Variants in CSMD3 observed in about 807,000 individuals in gnomAD.
CSMD3 encodes the protein CUB and sushi domain-containing protein 3.
In CSMD3, 177 loss-of-function variants were observed where a neutral mutation model predicts 435.2. That is an observed-to-expected ratio of 0.41 (90% CI 0.36 to 0.46). The LOEUF (loss-of-function observed/expected upper bound fraction) is 0.46, where lower values mean the gene tolerates loss of function less well. CSMD3 is among the 20% of genes least tolerant of loss of function. The pLI is 0.34. For missense variants in CSMD3, 4,265 were observed against 4,504.6 expected (o/e 0.95, Z 1.52); for synonymous variants, 1,656 against 1,520.5 (o/e 1.09, Z -2.07).
Position 112,318,945 on chromosome 8 carries a change from T to C in CSMD3, c.7252A>G (p.Ile2418Val). 6.3e-7 allele frequency: 1 copy of C among 1,585,404 alleles called. No homozygotes were observed. Among genetic ancestry groups the C allele is most frequent in the African/African-American group, 1.3e-5 (1 of 74,428 alleles). ...TEDDEFEIGD[I>V]IRYQCLPGFT... is the part of the protein sequence containing the mutation. ...CCTGGAAGACACTGATACCTAATAA[T>C]ATCACCTATTAAACAAAAGAGGGGA... The change falls in exon 47 of 71, where the codon ATT (isoleucine) becomes GTT (valine). Residue 2418 changes from isoleucine (I) to valine (V), a missense_variant. Around this residue, in one of 3 missense-constraint regions of CSMD3, gnomAD observed 3,255 missense variants for 3,380.2 expected, o/e 0.96. Coordinates refer to ENST00000297405, the MANE Select transcript of CSMD3 (RefSeq NM_198123.2).
At chr8:113,261,662 G>A (rs2093428635) in intron 3 of CSMD3, among the ~76,000 whole-genome samples, 1 of 152,044 alleles carries the variant, frequency 6.6e-6, no homozygotes, top group South Asian at 2.1e-4. Flanking sequence ...CCCCAGTTAA[G>A]GGTGCCATTT....
intron 5 of CSMD3, among the ~76,000 whole-genome samples, chr8:113,087,771 G>A (rs2089850429): frequency 6.6e-6 from 1 of 152,048 alleles, no homozygotes; most frequent in South Asian, 2.1e-4. Context: ...GAAAACCTAG[G>A]CAATACCATT....
At chr8:112,771,618 C>CTAATGAGTGCTACTCTTTCTCTATACG (rs2078117025) in intron 13 of CSMD3, among the ~76,000 whole-genome samples, 2 of 151,908 alleles carry the variant, frequency 1.3e-5, no homozygotes, top group Non-Finnish European at 2.9e-5. Flanking sequence ...TAATTAATTT[C>CTAATGAGTGCTACTCTTTCTCTATACG]TAATGAGTGC....
At chr8:113,141,931 A>G (rs901348224) in intron 4 of CSMD3, among the ~76,000 whole-genome samples, 3 of 151,066 alleles carry the variant, frequency 2.0e-5, no homozygotes, top group Non-Finnish European at 3.0e-5. Flanking sequence ...AGGGTCTCAG[A>G]ATATAAAATA....
intron 32 of CSMD3, among the ~76,000 whole-genome samples, chr8:112,447,059 C>G (rs896468441): frequency 6.6e-6 from 1 of 152,064 alleles, no homozygotes; most frequent in African/African-American, 2.4e-5. Context: ...CTCATTATAT[C>G]TCCCTACTGA....
intron 3 of CSMD3, among the ~76,000 whole-genome samples, chr8:113,186,013 T>C (rs553924581): frequency 6.6e-6 from 1 of 152,176 alleles, no homozygotes; most frequent in African/African-American, 2.4e-5. Context: ...TGACATTATG[T>C]GCCTGAGAAG....
chr8:112,584,333 TA>T (rs1008080967), intron 23 of CSMD3, among the ~76,000 whole-genome samples: 12 of 151,358 alleles, frequency 7.9e-5, no homozygotes, highest in Non-Finnish European at 1.5e-4. Flanking sequence ...AATCAAAACT[TA>T]AAAAAAATCT....
At chr8:112,317,657 C>T (rs4601350) in intron 47 of CSMD3, among the ~76,000 whole-genome samples, 100,651 of 151,864 alleles carry the variant, frequency 0.66, 35,179 homozygotes, top group African/African-American at 0.89. Flanking sequence ...TTCAAGATGT[C>T]CTAATAGCAG....
At chr8:113,394,360 C>CT (rs2094474228) in intron 1 of CSMD3, among the ~76,000 whole-genome samples, 1 of 151,832 alleles carries the variant, frequency 6.6e-6, no homozygotes, top group South Asian at 2.1e-4. Flanking sequence ...CATAGAAATT[C>CT]TTTTTTACTG....
rs749687137 is a variant in CSMD3, at chr8:113,334,294, TTCA to T, written c.179-19504_179-19502del. Among the ~76,000 whole-genome samples the T allele has an allele frequency of 1.9e-4, 18 of 94,490 alleles. 5 individuals carry two copies. The highest frequency in any genetic ancestry group is 6.4e-4 in the East Asian group (2 of 3,130). The allele number at this position is 94,490 out of a possible 152,430, so 62.0% of individuals were successfully genotyped here. On this transcript the variant is annotated intron_variant, in intron 1 of 70. Transcript: ENST00000297405. ...TAGTTTAAGTTTTTTTTTTTTTTTT[TTCA>T]TTTCCAGCCTGTGTACCTGTTACAT...
Position 112,289,372 on chromosome 8 carries a change from A to G in CSMD3, c.9141T>C (p.His3047=). 1.9e-6 allele frequency: 3 copies of G among 1,613,018 alleles called. No homozygotes were observed. Among genetic ancestry groups the G allele is most frequent in the Non-Finnish European group, 2.5e-6 (3 of 1,179,260 alleles). ...CAATTTTCCAAGTGGTACCTGAACA[A>G]TGAGGTTGTGATCCACTCCAATGGC... The part of the protein sequence containing the change: ...LNGHWSGSQP[H]CSGDATGTCG... The change falls in exon 57 of 71, where the codon CAT becomes CAC. Residue 3047 remains histidine, a synonymous_variant. Coordinates refer to ENST00000297405, the MANE Select transcript of CSMD3 (RefSeq NM_198123.2).
intron 22 of CSMD3, among the ~76,000 whole-genome samples, chr8:112,624,255 A>C (rs1156926665): frequency 6.6e-6 from 1 of 152,086 alleles, no homozygotes; most frequent in East Asian, 1.9e-4. Context: ...GCAATGACTT[A>C]AATATTATAG....
chr8:112,998,750 G>A (rs1019528615), intron 6 of CSMD3, among the ~76,000 whole-genome samples: 14 of 152,042 alleles, frequency 9.2e-5, no homozygotes, highest in African/African-American at 3.4e-4. Flanking sequence ...CTGGTGGGAC[G>A]TGATGGAATC....
In CSMD3 at chr8:112,851,982, G is replaced by T. The variant is rs556641625; in HGVS notation, c.1755+7163C>A. On this transcript the variant is annotated intron_variant, in intron 11 of 70. Coordinates refer to ENST00000297405, the MANE Select transcript of CSMD3 (RefSeq NM_198123.2). The stretch of plus-strand genomic sequence containing the variant: ...AGAGAAAGGTTATTTTGGGAAGATT[G>T]GTTCAGGGGTCAACAGAGCAGTGAG... Among the ~76,000 whole-genome samples the T allele has an allele frequency of 3.3e-5, 5 of 152,244 alleles. No homozygotes were observed. In the South Asian group the frequency reaches 8.3e-4, roughly 25 times the overall value.
chr8:113,270,495 A>T (rs1052471523), intron 3 of CSMD3, among the ~76,000 whole-genome samples: 1 of 152,186 alleles, frequency 6.6e-6, no homozygotes, highest in Non-Finnish European at 1.5e-5. Flanking sequence ...AAAGGATTGT[A>T]AGTCATGCCG....
chr8:112,355,889 A>G (rs1464801648), intron 38 of CSMD3, among the ~76,000 whole-genome samples: 1 of 152,140 alleles, frequency 6.6e-6, no homozygotes, highest in Non-Finnish European at 1.5e-5. Flanking sequence ...TCATGAATAG[A>G]CACTTCTCAG....
At chr8:112,961,450 C>T (rs12164180) in intron 7 of CSMD3, among the ~76,000 whole-genome samples, 36,021 of 151,652 alleles carry the variant, frequency 0.24, 5,675 homozygotes, top group East Asian at 0.69. Context: ...TCTCCACTAA[C>T]AAGACCATTT....
chr8:112,988,575 A>G (rs2131004474), intron 6 of CSMD3, among the ~76,000 whole-genome samples: 1 of 152,166 alleles, frequency 6.6e-6, no homozygotes, highest in East Asian at 1.9e-4. Flanking sequence ...GCTTCTTACT[A>G]TGTTGCTAAT....
chr8:112,354,880 C>T (rs954326850), intron 38 of CSMD3, among the ~76,000 whole-genome samples: 1 of 152,054 alleles, frequency 6.6e-6, no homozygotes, highest in African/African-American at 2.4e-5. Flanking sequence ...TGAAGTAAAG[C>T]CCAAATAGCC....
Sources: allele counts gnomAD v4.1 joint callset (sites outside exome capture counted in the v4.1 genomes callset), GRCh38; gene constraint gnomAD v4.1.1; regional missense constraint gnomAD v4.1.1; transcripts MANE v1.5; gene names NCBI Gene and HGNC (gene_info 2026-07-23, HGNC 2026-07-21).